Variants in GTF3C2 observed in about 807,000 individuals in gnomAD.
GTF3C2 encodes the protein general transcription factor IIIC subunit 2.
Under a neutral mutation model 117.4 loss-of-function variants are expected in GTF3C2, and 17 were observed. The observed-to-expected ratio is 0.14, with a 90% confidence interval of 0.10 to 0.22. GTF3C2 has a LOEUF of 0.22. GTF3C2 is among the 10% of genes least tolerant of loss of function. GTF3C2 has a pLI of 1.00. For missense variants in GTF3C2, 888 were observed against 1,143.6 expected, an observed-to-expected ratio of 0.78 and a Z score of 3.22; for synonymous variants, 437 against 427.0, an observed-to-expected ratio of 1.02 and a Z score of -0.29.
chr2:27,356,245 C>A (rs1681373600), intron 1 of GTF3C2: 2 of 489,046 alleles, frequency 4.1e-6, no homozygotes, highest in South Asian at 3.1e-5. Context: ...GCGCGCGGGG[C>A]ACAACCCTCG....
In GTF3C2 at chr2:27,327,280, G is replaced by A. The variant is rs746976365; in HGVS notation, c.2414C>T (p.Ser805Leu). The change falls in exon 18 of 19, where the codon TCA (serine) becomes TTA (leucine). Residue 805 changes from serine to leucine, a missense_variant. Around this residue, in one of 7 missense-constraint regions of GTF3C2, gnomAD observed 129 missense variants for 156.0 expected, o/e 0.83. Transcript: ENST00000264720. ...TTCTCTACGGAGCAGATCATGGAAT[G>A]AACCCTGGGGAAGGGAAATGGAATA... The A allele has an allele frequency of 6.5e-7, 1 of 1,532,918 alleles. No homozygotes were observed. The highest frequency in any genetic ancestry group is 1.1e-5 in the South Asian group (1 of 88,036). The allele number at this position is 1,532,918 out of a possible 1,614,324, so 95.0% of individuals were successfully genotyped here.
chr2:27,331,213 T>C lies in GTF3C2; in HGVS notation c.1733-1690A>G, dbSNP rs562709771. Among the ~76,000 whole-genome samples, 21 of 152,276 alleles carry C rather than the reference T, an allele frequency of 1.4e-4. No homozygotes were observed. The South Asian group carries it at 3.7e-3, about 27-fold the overall frequency. On this transcript the variant is annotated intron_variant, in intron 12 of 18. Coordinates refer to ENST00000264720, the Ensembl canonical transcript of GTF3C2. ...CATCGAGAATCATGTACCTTGACAA[T>C]GTAAGAATAATACCACCAAAAGAAA...
chr2:27,340,504 G>C (rs1006973835), intron 4 of GTF3C2: 5 of 152,252 alleles, frequency 3.3e-5, no homozygotes, highest in African/African-American at 9.7e-5. Context: ...AAAGTGCTGA[G>C]ATTACAGGTG....
chr2:27,328,044 G>A (rs1278341223), exon 17 of GTF3C2: 1 of 1,609,202 alleles, frequency 6.2e-7, no homozygotes, highest in East Asian at 2.2e-5. Flanking sequence ...TACCAAATCT[G>A]TGTCTTGAAA....
chr2:27,335,262 T>G (rs375297875), intron 10 of GTF3C2: 128 of 502,904 alleles, frequency 2.5e-4, no homozygotes, highest in African/African-American at 2.1e-3. Flanking sequence ...AACAAGAGTA[T>G]AGCAGGGGAG....
chr2:27,337,376 G>T, intron 6 of GTF3C2, 34 bp from the exon 7 acceptor site: 1 of 1,529,500 alleles, frequency 6.5e-7, no homozygotes, highest in Non-Finnish European at 9.1e-7. Flanking sequence ...TCTAAATTTG[G>T]AAGTGTTTCA....
At chr2:27,353,149 C>T (rs1254265248) in intron 1 of GTF3C2, among the ~76,000 whole-genome samples, 2 of 152,124 alleles carry the variant, frequency 1.3e-5, no homozygotes, top group East Asian at 3.9e-4. Context: ...AATCTCAGCA[C>T]TTTGGGAGAC....
chr2:27,328,838 G>A lies in GTF3C2; in HGVS notation c.2127+6C>T, dbSNP rs768288522. The A allele has an allele frequency of 3.7e-6, 6 of 1,602,836 alleles. No homozygotes were observed. In the Admixed American group the frequency reaches 5.0e-5, roughly 13 times the overall value. ...AATGAAGACTGCAAAAGAAAGGGGGGCTCACCCAAACGGTGCCTTTTCGAG... is the reference window on the plus strand; with the variant it reads ...AATGAAGACTGCAAAAGAAAGGGGGACTCACCCAAACGGTGCCTTTTCGAG... On this transcript the variant is annotated splice_donor_region_variant and intron_variant, in intron 15 of 18. Transcript: ENST00000264720.
intron 5 of GTF3C2, 95 bp from the exon 6 acceptor site, chr2:27,337,653 T>C (rs1440334919): frequency 1.1e-6 from 1 of 889,948 alleles, no homozygotes; most frequent in African/African-American, 1.6e-5. Context: ...ATCCATTATC[T>C]GTGCTCCCCA....
At chr2:27,352,407 C>G (rs1309684479) in intron 1 of GTF3C2, among the ~76,000 whole-genome samples, 2 of 152,270 alleles carry the variant, frequency 1.3e-5, no homozygotes, top group East Asian at 3.9e-4. Flanking sequence ...AACTTTTTGC[C>G]AAGTAAGCTA....
In GTF3C2 at chr2:27,327,174, TA is replaced by T; in HGVS notation, c.2517+2del. The T allele has an allele frequency of 6.7e-7, 1 of 1,495,186 alleles. No individual in the cohort carries two copies. Among genetic ancestry groups the T allele is most frequent in the Non-Finnish European group, 9.3e-7 (1 of 1,073,052 alleles). The allele number at this position is 1,495,186 out of a possible 1,614,324, so 92.6% of individuals were successfully genotyped here. A position where few individuals can be genotyped will look rare whatever the true frequency, so the allele number is the denominator to read the frequency against. On this transcript the variant is annotated splice_donor_variant, in intron 18 of 18. Coordinates refer to ENST00000264720, the Ensembl canonical transcript of GTF3C2. LOFTEE classifies it high-confidence loss of function. ...GTGGAGGGTGGAGAGGATGAGAGAC[TA>T]CCTTATGAATAGCCTCCAGCTGCAG...
At chr2:27,335,849 A>C in intron 9 of GTF3C2, 68 bp downstream of exon 9, 1 of 1,192,400 alleles carries the variant, frequency 8.4e-7, no homozygotes, top group Non-Finnish European at 1.2e-6. Flanking sequence ...TTCAACTCTA[A>C]GAATTCCCAG....
rs1572562980 is a variant in GTF3C2, at chr2:27,329,275, G to C, written c.1885C>G (p.Leu629Val). The C allele has an allele frequency of 6.2e-7, 1 of 1,614,200 alleles. No homozygotes were observed. Among genetic ancestry groups the C allele is most frequent in the Non-Finnish European group, 8.5e-7 (1 of 1,180,020 alleles). Residue 629 changes from leucine (L) to valine (V), a missense_variant, in exon 14 of 19, where the codon CTT becomes GTT. This residue lies in a region of GTF3C2 where 277 missense variants were observed against 445.4 expected (regional missense o/e 0.62). Coordinates refer to ENST00000264720, the Ensembl canonical transcript of GTF3C2. This position sits in a 1 kb window ranked among gnomAD's most constrained non-coding sequence, Gnocchi z 4.5. ...TTCCGGTCACTCCCCGCAGAGACAAGGAAATGGCTGTAAAAAGACGGGAGA... is the reference window on the plus strand; with the variant it reads ...TTCCGGTCACTCCCCGCAGAGACAACGAAATGGCTGTAAAAAGACGGGAGA...
intron 16 of GTF3C2, 70 bp from the exon 17 acceptor site, chr2:27,328,259 G>T: frequency 7.8e-7 from 1 of 1,275,032 alleles, no homozygotes; most frequent in Non-Finnish European, 1.1e-6. Flanking sequence ...AAAGTGGTTT[G>T]GGCAGGAAAG....
chr2:27,353,428 GT>G (rs1681209056), intron 1 of GTF3C2, among the ~76,000 whole-genome samples: 2 of 151,046 alleles, frequency 1.3e-5, no homozygotes, highest in Non-Finnish European at 2.9e-5. Context: ...GTTCAACTTA[GT>G]TTTTTAGTTT....
rs1242778849 is a variant in GTF3C2 at position 27,329,080 on chromosome 2, T to G, written c.2039+41A>C. ...CTGGCATGCTTTGCATTCCAACCCT[T>G]AGGGCCTGTCCCTAGAGGTCCTATC... On this transcript the variant is annotated intron_variant, in intron 14 of 18. Transcript: ENST00000264720. The surrounding 1 kb of genome is among the most constrained non-coding windows in gnomAD (Gnocchi z 4.5). 2.5e-6 allele frequency: 4 copies of G among 1,607,746 alleles called. No homozygotes were observed. The highest frequency in any genetic ancestry group is 1.3e-5 in the African/African-American group (1 of 74,808).
chr2:27,346,330 C>CCT (rs1680915086), intron 1 of GTF3C2, among the ~76,000 whole-genome samples: 1 of 64,302 alleles, frequency 1.6e-5, no homozygotes, highest in Non-Finnish European at 2.9e-5. Flanking sequence ...ATTCTGATAC[C>CCT]TTTTTTTTTT....
Position 27,344,801 on chromosome 2 carries a change from T to G in GTF3C2, c.-24-1223A>C, listed in dbSNP as rs549371692. Among the ~76,000 whole-genome samples, 89 of 146,510 alleles carry G rather than the reference T, an allele frequency of 6.1e-4. 1 individual carries two copies. Among genetic ancestry groups the G allele is most frequent in the Non-Finnish European group, 9.9e-4 (66 of 66,376 alleles). ...GAGTTCAAGACCAGTCTGGGCAACATAGGGAGACCTCATCTCTACAAAAAA... is the reference window on the plus strand; with the variant it reads ...GAGTTCAAGACCAGTCTGGGCAACAGAGGGAGACCTCATCTCTACAAAAAA... On this transcript the variant is annotated intron_variant, in intron 1 of 18. Transcript: ENST00000264720.
chr2:27,325,918 T>C (rs1211056855), exon 19 of GTF3C2: 1 of 190,296 alleles, frequency 5.3e-6, no homozygotes, highest in African/African-American at 2.4e-5. Flanking sequence ...TATGGTTAAA[T>C]ACTTAACAGG....
Sources: gnomAD v4.1 joint callset for allele counts (sites outside exome capture counted in the v4.1 genomes callset) on GRCh38, gnomAD v4.1.1 for gene constraint, gnomAD v4.1.1 regional missense constraint, Gnocchi (gnomAD v3.1) non-coding constraint, MANE v1.5 for transcripts, NCBI Gene and HGNC (gene_info 2026-07-23, HGNC 2026-07-21) for gene names.